Variants in ASPH observed in about 807,000 individuals in gnomAD.
The protein encoded by ASPH is aspartyl/asparaginyl beta-hydroxylase.
A neutral mutation model predicts 118.4 loss-of-function variants in ASPH; 100 were observed. The observed-to-expected ratio is 0.84, with a 90% CI of 0.72 to 1.00. ASPH has a LOEUF of 1.00. Among genes scored for constraint, ASPH ranks in the 50% least tolerant of loss-of-function variants. The pLI is 0.00. For synonymous variants in ASPH, 315 were observed against 325.6 expected (o/e 0.97, Z 0.35); for missense variants, 920 against 919.5 (o/e 1.00, Z -0.01).
At chr8:61,667,666 A>G (rs1447080118) in intron 3 of ASPH, among the ~76,000 whole-genome samples, 12 of 152,216 alleles carry the variant, frequency 7.9e-5, no homozygotes, top group Admixed American at 7.9e-4. Context: ...TGCCCGGACA[A>G]TAATTTTTAA....
intron 6 of ASPH, 46 bp downstream of exon 6, chr8:61,646,704 T>C: frequency 6.4e-7 from 1 of 1,564,926 alleles, no homozygotes; most frequent in South Asian, 1.2e-5. Context: ...TAATTAGAAG[T>C]CATTGATTAT....
chr8:61,669,082 T>C (rs1334635635), intron 3 of ASPH, among the ~76,000 whole-genome samples: 3 of 152,192 alleles, frequency 2.0e-5, no homozygotes, highest in African/African-American at 7.2e-5. Flanking sequence ...AATGTAGTGT[T>C]CATCTCCTCA....
chr8:61,653,815 T>C (rs765572325), intron 3 of ASPH, among the ~76,000 whole-genome samples, 155 bp from the exon 4 acceptor site: 12 of 152,230 alleles, frequency 7.9e-5, no homozygotes, highest in Admixed American at 1.3e-4. Flanking sequence ...AGGAAAACAG[T>C]TTGCTCTTCA....
At chr8:61,579,666 A>T in intron 15 of ASPH, 1 of 1,440,344 alleles carries the variant, frequency 6.9e-7, no homozygotes, top group Non-Finnish European at 9.7e-7. Context: ...CATCCTGCCC[A>T]AGTGAACAGC....
intron 22 of ASPH, among the ~76,000 whole-genome samples, chr8:61,521,750 T>A (rs1813119129): frequency 6.6e-6 from 1 of 152,198 alleles, no homozygotes; most frequent in Admixed American, 6.5e-5. Flanking sequence ...TAGAAAGAGA[T>A]CTAACAGCCA....
At chr8:61,528,283 C>A (rs1054159023) in intron 21 of ASPH, among the ~76,000 whole-genome samples, 1 of 152,184 alleles carries the variant, frequency 6.6e-6, no homozygotes, top group Non-Finnish European at 1.5e-5. Flanking sequence ...TTGTAAAAAA[C>A]CCCAAGACCA....
At chr8:61,554,498 A>G (rs913715848) in intron 19 of ASPH, among the ~76,000 whole-genome samples, 1 of 152,234 alleles carries the variant, frequency 6.6e-6, no homozygotes, top group African/African-American at 2.4e-5. Flanking sequence ...GCCTACAGCT[A>G]TCTAATTAGC....
At chr8:61,520,531 C>T (rs571290522) in intron 22 of ASPH, among the ~76,000 whole-genome samples, 218 of 152,248 alleles carry the variant, frequency 1.4e-3, no homozygotes, top group Non-Finnish European at 2.8e-3. Context: ...TTCTAAGTAA[C>T]CTTTTTGGCT....
intron 3 of ASPH, among the ~76,000 whole-genome samples, chr8:61,654,218 T>A (rs936758336): frequency 1.3e-5 from 2 of 152,164 alleles, no homozygotes; most frequent in Non-Finnish European, 2.9e-5. Context: ...AATTTAAAAG[T>A]TCTTCTCCCT....
chr8:61,532,009 G>A (rs760583128), intron 21 of ASPH, among the ~76,000 whole-genome samples: 18 of 152,190 alleles, frequency 1.2e-4, no homozygotes, highest in Non-Finnish European at 2.2e-4. Context: ...CGGGGGTGCA[G>A]ATACCTCTTT....
chr8:61,693,412 C>A (rs1291747121), intron 1 of ASPH, among the ~76,000 whole-genome samples: 1 of 152,190 alleles, frequency 6.6e-6, no homozygotes, highest in African/African-American at 2.4e-5. Flanking sequence ...TAAAGTGTCA[C>A]AAGATAGTGA....
rs1368902249 is a variant in ASPH, at chr8:61,653,552, A to G, written c.415+16T>C. 6.2e-7 allele frequency: 1 copy of G among 1,612,026 alleles called. No individual in the cohort carries two copies. Among genetic ancestry groups the G allele is most frequent in the Non-Finnish European group, 8.5e-7 (1 of 1,179,360 alleles). ...TGGCACACCTGGGCGAGACTCGAGG[A>G]TGAGGACAAGCTTACCTGCCTCCAC... is the stretch of plus-strand genomic sequence containing the variant. On this transcript the variant is annotated intron_variant, in intron 4 of 24. Coordinates refer to ENST00000379454, the MANE Select transcript of ASPH (RefSeq NM_004318.4).
intron 22 of ASPH, among the ~76,000 whole-genome samples, chr8:61,521,312 A>G (rs1165105844): frequency 6.6e-6 from 1 of 152,210 alleles, no homozygotes; most frequent in East Asian, 1.9e-4. Flanking sequence ...ATCATGTGCT[A>G]TTGTTAGACC....
At chr8:61,663,121 G>T in intron 3 of ASPH, 1 of 985,320 alleles carries the variant, frequency 1.0e-6, no homozygotes, top group Non-Finnish European at 1.2e-6. Flanking sequence ...ATCTAACACG[G>T]GGATATGGTT....
intron 3 of ASPH, 150 bp from the exon 4 acceptor site, chr8:61,653,810 AAC>A (rs1160691658): frequency 1.8e-4 from 137 of 772,790 alleles, no homozygotes; most frequent in East Asian, 4.1e-4. Flanking sequence ...GAGGTAGGAA[AAC>A]AGTTTGCTCT....
chr8:61,553,239 C>T, intron 19 of ASPH, 119 bp from the exon 20 acceptor site: 1 of 705,786 alleles, frequency 1.4e-6, no homozygotes, highest in Non-Finnish European at 2.3e-6. Context: ...AAAAATATAT[C>T]TCCATATTAA....
At chr8:61,625,589 C>T in intron 13 of ASPH, 2 of 983,990 alleles carry the variant, frequency 2.0e-6, no homozygotes, top group Non-Finnish European at 1.2e-6. Context: ...TTCAGCTTTC[C>T]CCTCTCATTT....
chr8:61,648,825 T>C (rs1282791950), intron 5 of ASPH, among the ~76,000 whole-genome samples: 2 of 152,118 alleles, frequency 1.3e-5, no homozygotes, highest in Non-Finnish European at 2.9e-5. Context: ...GGCTAATCAA[T>C]GGCAGATACA....
At chr8:61,667,944 T>C (rs1422470055) in intron 3 of ASPH, among the ~76,000 whole-genome samples, 1 of 152,142 alleles carries the variant, frequency 6.6e-6, no homozygotes, top group Non-Finnish European at 1.5e-5. Flanking sequence ...ATTTAATATA[T>C]ACATCATAAC....
Sources: allele counts gnomAD v4.1 joint callset (sites outside exome capture counted in the v4.1 genomes callset), GRCh38; gene constraint gnomAD v4.1.1; transcripts MANE v1.5; gene names NCBI Gene and HGNC (gene_info 2026-07-23, HGNC 2026-07-21).